HCN1: variants seen among roughly 807,000 people sequenced by gnomAD.
HCN1 encodes hyperpolarization activated cyclic nucleotide gated potassium channel 1.
A neutral mutation model predicts 78.9 loss-of-function variants in HCN1; 13 were observed. The observed-to-expected ratio is 0.16, with a 90% CI of 0.11 to 0.26. HCN1 has a LOEUF of 0.26. Among genes scored for constraint, HCN1 ranks in the 10% least tolerant of loss-of-function variants. HCN1 has a pLI of 1.00. For synonymous variants in HCN1, 552 were observed against 455.5 expected (o/e 1.21, Z -2.70); for missense variants, 810 against 1,154.3 (o/e 0.70, Z 4.32).
chr5:45,670,092 G>T (rs928773237), intron 1 of HCN1, among the ~76,000 whole-genome samples: 10 of 151,568 alleles, frequency 6.6e-5, no homozygotes, highest in Non-Finnish European at 1.2e-4. Context: ...TGTGGAAAAT[G>T]TAGTCATAGA....
At chr5:45,415,726 G>A (rs1339946244) in intron 3 of HCN1, among the ~76,000 whole-genome samples, 1 of 151,998 alleles carries the variant, frequency 6.6e-6, no homozygotes, top group African/African-American at 2.4e-5. Context: ...CACAGCACTT[G>A]TGCTTCCATT....
intron 2 of HCN1, among the ~76,000 whole-genome samples, chr5:45,498,048 C>G (rs1742086473): frequency 6.6e-6 from 1 of 152,146 alleles, no homozygotes. Flanking sequence ...TTTGGTGAAT[C>G]TGACAATTAT....
chr5:45,469,600 A>G (rs1052802165), intron 2 of HCN1, among the ~76,000 whole-genome samples: 10 of 151,952 alleles, frequency 6.6e-5, no homozygotes, highest in Non-Finnish European at 1.5e-4. Context: ...TAATTTCCAG[A>G]TGTAAGTCAG....
chr5:45,649,683 A>C (rs2112038444), intron 1 of HCN1, among the ~76,000 whole-genome samples: 1 of 152,044 alleles, frequency 6.6e-6, no homozygotes, highest in East Asian at 1.9e-4. Context: ...TTACTGATTC[A>C]AGTTATTTAA....
In HCN1 at chr5:45,601,041, AT is replaced by A. The variant is rs1410945012; in HGVS notation, c.849+44143del. Among the ~76,000 whole-genome samples, 12 of 151,984 alleles carry A rather than the reference AT, an allele frequency of 7.9e-5. No individual in the cohort carries two copies. In the South Asian group the frequency reaches 8.3e-4, roughly 11 times the overall value. ...TGAGTAAAAGTTTGGAAGAATATAT[AT>A]TTTTTTTCCTATTTATGTTTTCTAG... On this transcript the variant is annotated intron_variant, in intron 2 of 7. Transcript: ENST00000303230.
chr5:45,284,830 T>C (rs1745234976), intron 6 of HCN1, among the ~76,000 whole-genome samples: 3 of 152,070 alleles, frequency 2.0e-5, no homozygotes, highest in African/African-American at 2.4e-5. Flanking sequence ...AGTCATTAAT[T>C]TGGAGATATG....
At chr5:45,554,799 A>G (rs887770649) in intron 2 of HCN1, among the ~76,000 whole-genome samples, 1 of 151,766 alleles carries the variant, frequency 6.6e-6, no homozygotes, top group East Asian at 1.9e-4. Flanking sequence ...GATCTGAAAA[A>G]CTTTCTAACT....
Position 45,303,651 on chromosome 5 carries a change from G to A in HCN1, c.1566C>T (p.Val522=). Residue 522 remains valine (V), a synonymous_variant, in exon 6 of 8, where the codon GTC becomes GTT. Coordinates refer to ENST00000303230, the MANE Select transcript of HCN1 (RefSeq NM_021072.4). The stretch of plus-strand genomic sequence containing the variant: ...TCATTTCTTTACTGGATTTTGTAAT[G>A]ACACCAGCAACACCGTGTTGAATGA... ...MYFIQHGVAG[V]ITKSSKEMKL... The A allele has an allele frequency of 6.2e-7, 1 of 1,613,326 alleles. No homozygotes were observed. Among genetic ancestry groups the A allele is most frequent in the African/African-American group, 1.3e-5 (1 of 74,966 alleles).
chr5:45,647,032 A>G (rs1033905957), intron 1 of HCN1, among the ~76,000 whole-genome samples: 1 of 152,186 alleles, frequency 6.6e-6, no homozygotes, highest in African/African-American at 2.4e-5. Flanking sequence ...ATCATCTGTA[A>G]TTAAGAATGA....
chr5:45,298,865 GT>G (rs1745550523), intron 6 of HCN1, among the ~76,000 whole-genome samples: 1 of 151,894 alleles, frequency 6.6e-6, no homozygotes, highest in South Asian at 2.1e-4. Flanking sequence ...CCTAACTCAA[GT>G]TAGATGATTA....
At chr5:45,493,810 C>G (rs1235131291) in intron 2 of HCN1, among the ~76,000 whole-genome samples, 1 of 126,222 alleles carries the variant, frequency 7.9e-6, no homozygotes. Flanking sequence ...TCCATGAGTT[C>G]TCATTGTTCA....
intron 4 of HCN1, among the ~76,000 whole-genome samples, chr5:45,370,584 T>C (rs2112003478): frequency 6.6e-6 from 1 of 152,164 alleles, no homozygotes; most frequent in South Asian, 2.1e-4. Context: ...AGAAACTACA[T>C]ATTTTTATTG....
chr5:45,596,327 AG>A (rs1158253945), intron 2 of HCN1, among the ~76,000 whole-genome samples: 1 of 152,236 alleles, frequency 6.6e-6, no homozygotes, highest in East Asian at 1.9e-4. Flanking sequence ...GTGCATGAAC[AG>A]GGACTTGCAC....
intron 4 of HCN1, among the ~76,000 whole-genome samples, chr5:45,383,901 C>T (rs1220148204): frequency 6.6e-6 from 1 of 152,010 alleles, no homozygotes; most frequent in African/African-American, 2.4e-5. Flanking sequence ...AATTCCACAT[C>T]CTCTGCTCCA....
intron 6 of HCN1, among the ~76,000 whole-genome samples, chr5:45,269,301 A>G (rs2111850158): frequency 6.6e-6 from 1 of 152,356 alleles, no homozygotes; most frequent in South Asian, 2.1e-4. Flanking sequence ...TGTGTAAAAT[A>G]CGTTGCATTA....
intron 2 of HCN1, among the ~76,000 whole-genome samples, chr5:45,548,666 A>T (rs1743284972): frequency 6.6e-6 from 1 of 152,130 alleles, no homozygotes; most frequent in South Asian, 2.1e-4. Flanking sequence ...CAAGAGAAGG[A>T]AATAAAGGGT....
At position 45,413,997 on chromosome 5, in the gene HCN1, A is replaced by G. The variant is rs548253687; in HGVS notation, c.1012-17287T>C. On this transcript the variant is annotated intron_variant, in intron 3 of 7. Transcript: ENST00000303230. ...GCTCAACAAATTGTTGCCAAAGTGT[A>G]AGAAAAAACAGTAAATACCTGAACT... 2.6e-5 allele frequency among the ~76,000 whole-genome samples: 4 copies of G among 152,152 alleles called. 1 individual carries two copies. Among genetic ancestry groups the G allele is most frequent in the African/African-American group, 9.6e-5 (4 of 41,534 alleles).
chr5:45,589,711 C>T (rs576914006), intron 2 of HCN1, among the ~76,000 whole-genome samples: 1 of 152,060 alleles, frequency 6.6e-6, no homozygotes, highest in South Asian at 2.1e-4. Context: ...TTTTTAATGG[C>T]CAATAGTAAT....
chr5:45,584,485 T>C (rs1213045889), intron 2 of HCN1, among the ~76,000 whole-genome samples: 2 of 151,978 alleles, frequency 1.3e-5, no homozygotes, highest in South Asian at 2.1e-4. Context: ...CTTTATCCAA[T>C]TTGCCAGTCT....
Sources: allele counts gnomAD v4.1 joint callset (sites outside exome capture counted in the v4.1 genomes callset), GRCh38; gene constraint gnomAD v4.1.1; transcripts MANE v1.5; gene names NCBI Gene and HGNC (gene_info 2026-07-23, HGNC 2026-07-21).